The following CNTN3 variants were observed in gnomAD, a reference collection of about 807,000 sequenced individuals.
CNTN3 encodes the protein contactin 3.
A neutral mutation model predicts 119.1 loss-of-function variants in CNTN3; 60 were observed. That is an observed-to-expected ratio of 0.50 (90% CI 0.41 to 0.62). The LOEUF (loss-of-function observed/expected upper bound fraction) is 0.62. CNTN3 is among the 20% of genes least tolerant of loss of function. The pLI, the probability that CNTN3 is intolerant of heterozygous loss-of-function variation, is 0.00. For missense variants in CNTN3, 1,101 were observed against 1,242.4 expected, an observed-to-expected ratio of 0.89 and a Z score of 1.71; for synonymous variants, 450 against 438.7, an observed-to-expected ratio of 1.03 and a Z score of -0.32.
intron 18 of CNTN3, among the ~76,000 whole-genome samples, chr3:74,296,484 TAAAA>T (rs1031020109): frequency 6.7e-6 from 1 of 149,318 alleles, no homozygotes. Context: ...GTATAACCCT[TAAAA>T]AAAAAATCCC....
chr3:74,316,834 A>G (rs936631989), intron 13 of CNTN3, among the ~76,000 whole-genome samples: 1 of 151,886 alleles, frequency 6.6e-6, no homozygotes, highest in African/African-American at 2.4e-5. Context: ...AGGCTGAGGC[A>G]GGAGAATGGC....
intron 1 of CNTN3, among the ~76,000 whole-genome samples, chr3:74,584,182 T>C (rs1470329189): frequency 6.6e-6 from 1 of 152,208 alleles, no homozygotes; most frequent in East Asian, 1.9e-4. Context: ...TTGTATTTTC[T>C]ACAACACAAT....
At chr3:74,343,689 G>A (rs1488802) in intron 11 of CNTN3, among the ~76,000 whole-genome samples, 62,680 of 152,042 alleles carry the variant, frequency 0.41, 13,236 homozygotes, top group East Asian at 0.66. Context: ...GTGTCTTGTC[G>A]TATCCTAGCC....
chr3:74,393,740 G>T (rs1575683355), intron 5 of CNTN3, among the ~76,000 whole-genome samples: 2 of 152,320 alleles, frequency 1.3e-5, no homozygotes, highest in Middle Eastern at 3.4e-3. Flanking sequence ...GCCAGAAAGA[G>T]ATCTGTGATT....
intron 1 of CNTN3, among the ~76,000 whole-genome samples, chr3:74,521,977 C>G (rs1004518900): frequency 6.6e-6 from 1 of 151,754 alleles, no homozygotes; most frequent in African/African-American, 2.4e-5. Context: ...TTAAAGTTTG[C>G]TACTTTAGTA....
intron 13 of CNTN3, among the ~76,000 whole-genome samples, chr3:74,310,272 C>T (rs1001210030): frequency 2.0e-5 from 3 of 152,096 alleles, no homozygotes; most frequent in African/African-American, 7.2e-5. Flanking sequence ...TCATGTTATG[C>T]CAAATGCCAT....
At chr3:74,285,159 GGGTTTTGGAGTTA>G (rs1409656830) in intron 20 of CNTN3, 133 bp downstream of exon 20, 51 of 793,454 alleles carry the variant, frequency 6.4e-5, no homozygotes, top group Non-Finnish European at 7.2e-5. Context: ...TTTTGGAGTT[GGGTTTTGGAGTTA>G]GGTTTTGGAG....
chr3:74,357,753 C>T (rs973528515), intron 11 of CNTN3, among the ~76,000 whole-genome samples: 3 of 151,830 alleles, frequency 2.0e-5, no homozygotes, highest in East Asian at 1.9e-4. Context: ...TCTTATTCGC[C>T]GACAAGTCCA....
In CNTN3 at chr3:74,560,152, C is replaced by T. The variant is rs144587290; in HGVS notation, c.-80-38960G>A. Among the ~76,000 whole-genome samples the T allele has an allele frequency of 5.6e-3, 851 of 152,240 alleles. 3 individuals are homozygous for T. Among genetic ancestry groups the T allele is most frequent in the Non-Finnish European group, 9.1e-3 (618 of 68,020 alleles). The stretch of plus-strand genomic sequence containing the variant: ...CAGCAGCACACTCACTGGCTAGATA[C>T]CATCAAGCACATCATCACACTCTTT... On this transcript the variant is annotated intron_variant, in intron 1 of 22. Coordinates refer to ENST00000263665, the MANE Select transcript of CNTN3 (RefSeq NM_020872.3).
rs1313571200 is a variant in CNTN3, at chr3:74,297,973, C to G, written c.2385G>C (p.Val795=). 1.9e-6 allele frequency: 3 copies of G among 1,612,864 alleles called. No individual in the cohort carries two copies. The South Asian group carries it at 3.3e-5, about 18-fold the overall frequency. ...TTTCCATACCTTCTTCTGCAGAGAA[C>G]ACTGTTGTCACTGGGCTAAATGGTC... is the stretch of plus-strand genomic sequence containing the variant. ...GEGPFSPVTT[V]FSAEEEPTVA... The change falls in exon 18 of 23, where the codon GTG becomes GTC. Residue 795 remains valine, a synonymous_variant. Transcript: ENST00000263665.
chr3:74,356,395 T>C (rs1703934759), intron 11 of CNTN3, among the ~76,000 whole-genome samples: 1 of 152,058 alleles, frequency 6.6e-6, no homozygotes, highest in South Asian at 2.1e-4. Context: ...AAAACCCTGG[T>C]CATCTTTCAA....
chr3:74,313,989 AATAT>A (rs1171553166), intron 13 of CNTN3, among the ~76,000 whole-genome samples: 1 of 152,148 alleles, frequency 6.6e-6, no homozygotes, highest in East Asian at 1.9e-4. Flanking sequence ...ATGTCAAATA[AATAT>A]ATGTTGGGGA....
At chr3:74,477,607 G>A (rs758795535) in intron 4 of CNTN3, among the ~76,000 whole-genome samples, 3 of 152,050 alleles carry the variant, frequency 2.0e-5, no homozygotes, top group Non-Finnish European at 4.4e-5. Context: ...GGTGGTTAGG[G>A]AGGTGGAGAT....
chr3:74,352,725 A>G (rs983641726), intron 11 of CNTN3, among the ~76,000 whole-genome samples: 2 of 152,162 alleles, frequency 1.3e-5, no homozygotes, highest in African/African-American at 4.8e-5. Context: ...AGGGACATCA[A>G]TCAATCTGGT....
rs1407659794 is a variant in CNTN3 at position 74,529,684 on chromosome 3, AC to A, written c.-80-8493del. Among the ~76,000 whole-genome samples the A allele has an allele frequency of 6.6e-5, 10 of 152,112 alleles. No homozygotes were observed. The South Asian group carries it at 1.4e-3, about 22-fold the overall frequency. On this transcript the variant is annotated intron_variant, in intron 1 of 22. Coordinates refer to ENST00000263665, the MANE Select transcript of CNTN3 (RefSeq NM_020872.3). The stretch of plus-strand genomic sequence containing the variant: ...TGAAACATTTTTAAAAGAAAAAAAA[AC>A]AATTTATTCCTAAAATGATAAAATG...
At chr3:74,397,713 A>G (rs572676891) in intron 5 of CNTN3, among the ~76,000 whole-genome samples, 1 of 152,290 alleles carries the variant, frequency 6.6e-6, no homozygotes, top group African/African-American at 2.4e-5. Context: ...GATTCCTCTG[A>G]TTGATCTGTG....
At chr3:74,595,068 T>C (rs1379360394) in intron 1 of CNTN3, among the ~76,000 whole-genome samples, 2 of 152,028 alleles carry the variant, frequency 1.3e-5, no homozygotes, top group Non-Finnish European at 2.9e-5. Context: ...CATTTTTTCA[T>C]GTGTCTTTTG....
At chr3:74,439,143 T>C (rs1376942938) in intron 4 of CNTN3, among the ~76,000 whole-genome samples, 1 of 152,178 alleles carries the variant, frequency 6.6e-6, no homozygotes, top group Non-Finnish European at 1.5e-5. Flanking sequence ...TTATGAACTA[T>C]CTGGAAAAAA....
chr3:74,273,732 A>G (rs1476462957), intron 20 of CNTN3, among the ~76,000 whole-genome samples: 1 of 152,188 alleles, frequency 6.6e-6, no homozygotes, highest in Non-Finnish European at 1.5e-5. Flanking sequence ...GGGTGGCCAG[A>G]GGCACGAGGA....
Sources: allele counts gnomAD v4.1 joint callset (sites outside exome capture counted in the v4.1 genomes callset), GRCh38; gene constraint gnomAD v4.1.1; transcripts MANE v1.5; gene names NCBI Gene and HGNC (gene_info 2026-07-23, HGNC 2026-07-21).